The following RIPOR2 variants were observed in gnomAD, a reference collection of about 807,000 sequenced individuals.
RIPOR2 encodes rho family-interacting cell polarization regulator 2.
A neutral mutation model predicts 114.5 loss-of-function variants in RIPOR2; 39 were observed. The observed-to-expected ratio is 0.34, with a 90% CI of 0.26 to 0.44. RIPOR2 has a LOEUF of 0.44. Ranked by LOEUF, RIPOR2 falls within the 20% of genes least tolerant of loss-of-function variation. The probability of loss-of-function intolerance (pLI) is 1.00; values close to 1 mark genes in which losing one functional copy is unlikely to be tolerated. For missense variants in RIPOR2, 1,007 were observed against 1,255.1 expected (o/e 0.80, Z 2.99); for synonymous variants, 445 against 484.4 (o/e 0.92, Z 1.07).
At chr6:24,890,743 C>A (rs1301757976) in intron 1 of RIPOR2, among the ~76,000 whole-genome samples, 1 of 151,624 alleles carries the variant, frequency 6.6e-6, no homozygotes, top group Non-Finnish European at 1.5e-5. Context: ...AAGCCTGGAA[C>A]TCCTGGGCAC....
At chr6:25,023,698 A>G in intron 1 of RIPOR2, 1 of 766,194 alleles carries the variant, frequency 1.3e-6, no homozygotes, top group East Asian at 2.4e-5. Flanking sequence ...CGATGTCAGT[A>G]CAGCCCACAC....
At chr6:24,921,895 T>C (rs1040036241) in intron 1 of RIPOR2, among the ~76,000 whole-genome samples, 2 of 151,902 alleles carry the variant, frequency 1.3e-5, no homozygotes, top group Non-Finnish European at 2.9e-5. Flanking sequence ...AATGGCGCAA[T>C]CTCGGCTCAC....
chr6:24,828,475 A>C (rs995692415), intron 17 of RIPOR2, among the ~76,000 whole-genome samples, 180 bp from the exon 18 acceptor site: 1 of 152,160 alleles, frequency 6.6e-6, no homozygotes, highest in Non-Finnish European at 1.5e-5. Context: ...AGTAGATGGA[A>C]TTGCAGGCAT....
chr6:24,862,997 G>T (rs1764225658), intron 7 of RIPOR2, among the ~76,000 whole-genome samples: 1 of 152,118 alleles, frequency 6.6e-6, no homozygotes, highest in East Asian at 1.9e-4. Flanking sequence ...CTGTCACCCA[G>T]GCTGGAGTGT....
At chr6:24,819,440 G>A (rs573452014) in intron 19 of RIPOR2, among the ~76,000 whole-genome samples, 32 of 152,178 alleles carry the variant, frequency 2.1e-4, no homozygotes, top group African/African-American at 7.5e-4. Context: ...GGGTGGTAAT[G>A]TCAGTTTGAG....
chr6:24,965,067 A>G (rs1306203073), intron 1 of RIPOR2, among the ~76,000 whole-genome samples: 2 of 151,798 alleles, frequency 1.3e-5, no homozygotes, highest in Non-Finnish European at 2.9e-5. Flanking sequence ...TTTTTACTCT[A>G]TCTTCCATAT....
chr6:24,989,478 G>A (rs1006708575), intron 1 of RIPOR2, among the ~76,000 whole-genome samples: 1 of 151,612 alleles, frequency 6.6e-6, no homozygotes, highest in Admixed American at 6.6e-5. Context: ...TGTATTTTTA[G>A]TAGAGATAGG....
chr6:25,027,259 C>T (rs1776673514), intron 1 of RIPOR2, among the ~76,000 whole-genome samples: 1 of 152,178 alleles, frequency 6.6e-6, no homozygotes, highest in South Asian at 2.1e-4. Context: ...CCTAGCTTTG[C>T]TTACAAGACG....
chr6:24,918,053 C>T (rs1203108460), intron 1 of RIPOR2, among the ~76,000 whole-genome samples: 1 of 152,206 alleles, frequency 6.6e-6, no homozygotes, highest in African/African-American at 2.4e-5. Context: ...GGAGGGCTCA[C>T]CTGTAGGGAC....
intron 1 of RIPOR2, among the ~76,000 whole-genome samples, chr6:24,921,316 C>A (rs1451152875): frequency 6.6e-6 from 1 of 151,622 alleles, no homozygotes; most frequent in African/African-American, 2.4e-5. Flanking sequence ...GCACGTGCCA[C>A]CACACCCAGC....
chr6:24,870,966 C>T lies in RIPOR2; in HGVS notation c.424-77G>A, dbSNP rs982555772. ...ACCCATCTTAACAGAATGATTTAGC[C>T]CACATTTGCACATTATCTGTGGAAA... On this transcript the variant is annotated intron_variant, in intron 4 of 21. Coordinates refer to ENST00000643898, the MANE Select transcript of RIPOR2 (RefSeq NM_001286445.3). 1.2e-5 allele frequency: 11 copies of T among 887,874 alleles called. No homozygotes were observed. The East Asian group carries it at 2.3e-4, about 19-fold the overall frequency. 55.0% of individuals were successfully genotyped at this position (887,874 alleles called of 1,614,324 possible).
At chr6:24,920,810 T>A (rs1412321228) in intron 1 of RIPOR2, among the ~76,000 whole-genome samples, 1 of 152,154 alleles carries the variant, frequency 6.6e-6, no homozygotes, top group Non-Finnish European at 1.5e-5. Context: ...GCAGTCTTCA[T>A]TTCAGTAAAG....
chr6:24,983,193 TACACAC>T (rs5875016), intron 1 of RIPOR2, among the ~76,000 whole-genome samples: 1 of 147,244 alleles, frequency 6.8e-6, no homozygotes. Context: ...GTTGAACACG[TACACAC>T]ACACACACAC....
chr6:24,835,574 T>C, intron 15 of RIPOR2, 129 bp downstream of exon 15: 1 of 1,097,070 alleles, frequency 9.1e-7, no homozygotes, highest in South Asian at 1.5e-5. Flanking sequence ...TTGACTTGGC[T>C]CAAACCACAG....
At chr6:24,893,054 A>T (rs899318972) in intron 1 of RIPOR2, among the ~76,000 whole-genome samples, 1 of 152,180 alleles carries the variant, frequency 6.6e-6, no homozygotes, top group African/African-American at 2.4e-5. Context: ...ACAAAACAAA[A>T]GTGTGCATAC....
chr6:24,954,473 T>TTTTTTTTAGACAGG (rs1772938259), intron 1 of RIPOR2, among the ~76,000 whole-genome samples: 1 of 149,966 alleles, frequency 6.7e-6, no homozygotes, highest in African/African-American at 2.5e-5. Flanking sequence ...TTTTTTTTTT[T>TTTTTTTTAGACAGG]GAGACAGGGT....
chr6:24,936,217 A>G (rs925159368), upstream of RIPOR2, among the ~76,000 whole-genome samples: 2 of 152,240 alleles, frequency 1.3e-5, no homozygotes, highest in Admixed American at 1.3e-4. Flanking sequence ...AACAACTTTC[A>G]TATTTCCTTA....
intron 18 of RIPOR2, among the ~76,000 whole-genome samples, chr6:24,825,927 T>C (rs1200944710): frequency 4.3e-5 from 6 of 138,506 alleles, no homozygotes; most frequent in East Asian, 2.0e-4. Context: ...GTTTTTCTCT[T>C]TTTTTTTTTT....
intron 1 of RIPOR2, among the ~76,000 whole-genome samples, chr6:24,979,932 G>T (rs1774223448): frequency 6.6e-6 from 1 of 152,190 alleles, no homozygotes; most frequent in Non-Finnish European, 1.5e-5. Context: ...CAAGCATATA[G>T]TAGGAACTTA....
Sources: gnomAD v4.1 joint callset for allele counts (sites outside exome capture counted in the v4.1 genomes callset) on GRCh38, gnomAD v4.1.1 for gene constraint, MANE v1.5 for transcripts, NCBI Gene and HGNC (gene_info 2026-07-23, HGNC 2026-07-21) for gene names.